Variants in ACOT2 observed in about 807,000 individuals in gnomAD.
The protein encoded by ACOT2 is acyl-CoA thioesterase 2, also known as acyl-coenzyme A thioesterase 2, mitochondrial.
In ACOT2, 15 loss-of-function variants were observed where a neutral mutation model predicts 20.1. That is an observed-to-expected ratio of 0.75 (90% CI 0.50 to 1.15). The LOEUF is 1.15. Ranked by LOEUF, ACOT2 falls within the 50% of genes most tolerant of loss-of-function variation. The pLI is 0.00. For missense variants in ACOT2, 479 were observed against 615.3 expected, an observed-to-expected ratio of 0.78 and a Z score of 2.34; for synonymous variants, 252 against 268.4, an observed-to-expected ratio of 0.94 and a Z score of 0.60.
At chr14:73,574,508 C>T in intron 2 of ACOT2, 1 of 346,236 alleles carries the variant, frequency 2.9e-6, no homozygotes, top group South Asian at 2.8e-5. Context: ...AATGATCCAC[C>T]CGCCTCAGCC....
intron 1 of ACOT2, among the ~76,000 whole-genome samples, chr14:73,572,201 A>G: frequency 1.1e-5 from 1 of 92,382 alleles, no homozygotes; most frequent in Non-Finnish European, 2.1e-5. Context: ...GATTAATTTA[A>G]AAAAAGAGCA....
chr14:73,569,090 A>T (rs1329473819), upstream of ACOT2: 2 of 928,334 alleles, frequency 2.2e-6, no homozygotes, highest in Non-Finnish European at 3.2e-6. Context: ...TTTCCAACAT[A>T]AAGTGGAGGT....
At chr14:73,574,771 T>C (rs145438128) in intron 2 of ACOT2, 137 bp from the exon 3 acceptor site, 50,630 of 1,454,156 alleles carry the variant, frequency 0.035, 1,660 homozygotes, top group African/African-American at 0.19. Flanking sequence ...AGGTAAATTC[T>C]CAAAGTTGCA....
chr14:73,573,055 G>C (rs372720168), intron 1 of ACOT2, among the ~76,000 whole-genome samples: 1 of 149,686 alleles, frequency 6.7e-6, no homozygotes, highest in Admixed American at 6.6e-5. Flanking sequence ...GTCTGTCTCC[G>C]TTGAGTAAGT....
At chr14:73,570,655 A>T (rs1889712451) in intron 1 of ACOT2, among the ~76,000 whole-genome samples, 2 of 152,066 alleles carry the variant, frequency 1.3e-5, no homozygotes, top group African/African-American at 2.4e-5. Context: ...CTGTAATCCT[A>T]GCGCTTTGGG....
At chr14:73,569,934 T>C in intron 1 of ACOT2, 51 bp downstream of exon 1, 1 of 1,557,386 alleles carries the variant, frequency 6.4e-7, no homozygotes, top group Non-Finnish European at 8.7e-7. Context: ...TCACTTTGTG[T>C]GTCTCCCCCG....
At chr14:73,568,955 T>C (rs1889651156), upstream of ACOT2, 1 of 487,706 alleles carries the variant, frequency 2.1e-6, no homozygotes, top group Admixed American at 3.5e-5. Context: ...CAGCTCTGCA[T>C]TCCTCTTCGC....
chr14:73,574,955 G>A lies in ACOT2; in HGVS notation c.894G>A (p.Glu298=). Residue 298 remains glutamate, a synonymous_variant, in exon 3 of 3, where the codon GAG becomes GAA. Transcript: ENST00000238651. ...TGCTTGGAATTTCCAAAGGGGGTGA[G>A]CTCTGCCTTTCCATGGCCTCTTTCC... ...VGLLGISKGG[E]LCLSMASFLK... is the part of the protein sequence containing the mutation. 1 of 1,604,882 alleles carries A rather than the reference G, an allele frequency of 6.2e-7. No homozygotes were observed. Among genetic ancestry groups the A allele is most frequent in the Non-Finnish European group, 8.5e-7 (1 of 1,174,818 alleles).
At position 73,572,406 on chromosome 14, in the gene ACOT2, T is replaced by C. The variant is rs186542351; in HGVS notation, c.644-982T>C. On this transcript the variant is annotated intron_variant, in intron 1 of 2. Transcript: ENST00000238651. ...ACTGTTGAGTGAAACAGTCAAACCC[T>C]AGGAGAACACATTCAGTATCATTCC... 3.4e-3 allele frequency among the ~76,000 whole-genome samples: 505 copies of C among 146,896 alleles called. 5 individuals carry two copies. Among genetic ancestry groups the C allele is most frequent in the Non-Finnish European group, 6.5e-3 (421 of 64,410 alleles).
At position 73,569,472 on chromosome 14, in the gene ACOT2, G is replaced by C. The variant is rs931849964; in HGVS notation, c.232G>C (p.Asp78His). ...ILEPAGRCCW[D>H]EPVRIAVRGL... ...GGAGCCTGCGGGCCGCTGCTGCTGG[G>C]ACGAACCGGTGCGAATCGCCGTGCG... Residue 78 changes from aspartate to histidine, a missense_variant, in exon 1 of 3, where the codon GAC (aspartate) becomes CAC (histidine). Physicochemically the swap from Asp to His is moderately conservative, Grantham distance 81. Transcript: ENST00000238651. 2.5e-6 allele frequency: 4 copies of C among 1,613,156 alleles called. No homozygotes were observed. The African/African-American group carries it at 5.3e-5, about 22-fold the overall frequency.
At position 73,569,364 on chromosome 14, in the gene ACOT2, G is replaced by A; in HGVS notation, c.124G>A (p.Ala42Thr). The A allele has an allele frequency of 6.2e-7, 1 of 1,613,994 alleles. No individual in the cohort carries two copies. Among genetic ancestry groups the A allele is most frequent in the East Asian group, 2.2e-5 (1 of 44,896 alleles). ...GTACCAATGGAGCCTGAAGAGTTCG[G>A]CGCAGTTCCTGGGGTCTCCACAGCT... ...RLYQWSLKSS[A>T]QFLGSPQLRQ... is the part of the protein sequence containing the mutation. Residue 42 changes from alanine to threonine, a missense_variant, in exon 1 of 3, where the codon GCG (alanine) becomes ACG (threonine). Physicochemically the swap from Ala to Thr is moderately conservative, Grantham distance 58. Around this residue, in one of 4 missense-constraint regions of ACOT2, gnomAD observed 400 missense variants for 395.5 expected, o/e 1.01. Transcript: ENST00000238651.
rs746513969 is a variant in ACOT2 at position 73,569,397 on chromosome 14, G to T, written c.157G>T (p.Val53Phe). The change falls in exon 1 of 3, where the codon GTT (valine) becomes TTT (phenylalanine). Residue 53 changes from valine to phenylalanine, a missense_variant. By Grantham distance (50) the Val-to-Phe change is conservative. This residue lies in a region of ACOT2 where 400 missense variants were observed against 395.5 expected (regional missense o/e 1.01). Coordinates refer to ENST00000238651, the MANE Select transcript of ACOT2 (RefSeq NM_006821.6). ...QFLGSPQLRQ[V>F]GQIIRVPARM... ...CCTGGGGTCTCCACAGCTGAGGCAG[G>T]TTGGTCAGATCATTAGGGTTCCTGC... The T allele has an allele frequency of 9.3e-6, 15 of 1,613,884 alleles. No individual in the cohort carries two copies. The highest frequency in any genetic ancestry group is 5.3e-5 in the African/African-American group (4 of 74,942).
At chr14:73,572,980 A>C (rs1484635981) in intron 1 of ACOT2, among the ~76,000 whole-genome samples, 3 of 151,626 alleles carry the variant, frequency 2.0e-5, no homozygotes, top group Non-Finnish European at 4.4e-5. Flanking sequence ...GTGAAACACA[A>C]AACCTTTAAT....
chr14:73,569,724 A>G lies in ACOT2; in HGVS notation c.484A>G (p.Thr162Ala). 6.2e-7 allele frequency: 1 copy of G among 1,609,404 alleles called. No individual in the cohort carries two copies. The highest frequency in any genetic ancestry group is 8.5e-7 in the Non-Finnish European group (1 of 1,178,866). Residue 162 changes from threonine (T) to alanine (A), a missense_variant, in exon 1 of 3, where the codon ACG (threonine) becomes GCG (alanine). Around this residue, in one of 4 missense-constraint regions of ACOT2, gnomAD observed 400 missense variants for 395.5 expected, o/e 1.01. Transcript: ENST00000238651. ...LVRLVKRDVR[T>A]PLAVELEVLD... ...GCGGCTGGTGAAGCGCGACGTGCGA[A>G]CGCCCTTGGCCGTGGAGCTGGAGGT... is the stretch of plus-strand genomic sequence containing the variant.
In ACOT2 at chr14:73,573,501, T is replaced by C. The variant is rs1033635548; in HGVS notation, c.757T>C (p.Tyr253His). 2 of 1,613,640 alleles carry C rather than the reference T, an allele frequency of 1.2e-6. No individual in the cohort carries two copies. The highest frequency in any genetic ancestry group is 1.3e-5 in the African/African-American group (1 of 74,894). Residue 253 changes from tyrosine (Y) to histidine (H), a missense_variant, in exon 2 of 3, where the codon TAT (tyrosine) becomes CAT (histidine). Tyr to His is a moderately conservative substitution (Grantham distance 83). Transcript: ENST00000238651. ...TTTTGCTGTGATGGCTCTGGCTTATTATAACTATGAAGACCTCCCCAAGAC... is the reference window on the plus strand; with the variant it reads ...TTTTGCTGTGATGGCTCTGGCTTATCATAACTATGAAGACCTCCCCAAGAC... Reference protein sequence around the residue: ...KGFAVMALAYYNYEDLPKTME... With the variant: ...KGFAVMALAYHNYEDLPKTME...
At chr14:73,570,671 G>A (rs1181972899) in intron 1 of ACOT2, among the ~76,000 whole-genome samples, 7 of 152,138 alleles carry the variant, frequency 4.6e-5, no homozygotes, top group Middle Eastern at 3.4e-3. Context: ...TTGGGAGGCC[G>A]AGGCCGGCGG....
chr14:73,569,186 T>C, upstream of ACOT2: 1 of 1,591,318 alleles, frequency 6.3e-7, no homozygotes, highest in Non-Finnish European at 8.6e-7. Context: ...CCCGCTCACG[T>C]TAGCAGACAG....
chr14:73,570,193 A>T (rs1346320905), intron 1 of ACOT2, among the ~76,000 whole-genome samples: 3 of 151,664 alleles, frequency 2.0e-5, no homozygotes, highest in Non-Finnish European at 2.9e-5. Context: ...GTAAAGAAAC[A>T]GGAATGGAAT....
chr14:73,571,062 T>TGACA (rs1250051179), intron 1 of ACOT2: 2 of 151,566 alleles, frequency 1.3e-5, no homozygotes, highest in African/African-American at 4.8e-5. Flanking sequence ...GCTGGGCCTG[T>TGACA]GACAGTGCAG....
Sources: allele counts gnomAD v4.1 joint callset (sites outside exome capture counted in the v4.1 genomes callset), GRCh38; gene constraint gnomAD v4.1.1; regional missense constraint gnomAD v4.1.1; transcripts MANE v1.5; gene names NCBI Gene and HGNC (gene_info 2026-07-23, HGNC 2026-07-21).